GBE1: variants seen among roughly 807,000 people sequenced by gnomAD.
The protein encoded by GBE1 is 1,4-alpha-glucan-branching enzyme.
A neutral mutation model predicts 88.8 loss-of-function variants in GBE1; 70 were observed. The observed-to-expected ratio is 0.79, with a 90% CI of 0.65 to 0.96. The LOEUF (loss-of-function observed/expected upper bound fraction) is 0.96, where lower values mean the gene tolerates loss of function less well. Among genes scored for constraint, GBE1 ranks in the 40% least tolerant of loss-of-function variants. The probability of loss-of-function intolerance (pLI) is 0.00; values close to 1 mark genes in which losing one functional copy is unlikely to be tolerated. For synonymous variants in GBE1, 284 were observed against 300.1 expected (o/e 0.95, Z 0.56); for missense variants, 872 against 871.0 (o/e 1.00, Z -0.01).
rs573720354 is a variant in GBE1, at chr3:81,491,796, C to T, written c.2053-1333G>A. ...GCAAACATGACTTTAGGAAAAAACT[C>T]AAACAAATAGAACAGTTGATTTTCA... On this transcript the variant is annotated intron_variant, in intron 15 of 15. Coordinates refer to ENST00000429644, the MANE Select transcript of GBE1 (RefSeq NM_000158.4). 8.4e-4 allele frequency among the ~76,000 whole-genome samples: 128 copies of T among 152,080 alleles called. 1 individual carries two copies. The highest frequency in any genetic ancestry group is 3.0e-3 in the African/African-American group (124 of 41,516).
At chr3:81,495,768 C>T (rs1271555605) in intron 15 of GBE1, among the ~76,000 whole-genome samples, 1 of 152,136 alleles carries the variant, frequency 6.6e-6, no homozygotes, top group East Asian at 1.9e-4. Flanking sequence ...AATTGTTAAG[C>T]TGTATTAAAA....
chr3:81,742,481 T>C (rs1326555459), intron 1 of GBE1, among the ~76,000 whole-genome samples: 1 of 152,072 alleles, frequency 6.6e-6, no homozygotes, highest in Admixed American at 6.6e-5. Context: ...CCCTTAGTAA[T>C]AAAAATGAAA....
intron 7 of GBE1, among the ~76,000 whole-genome samples, chr3:81,633,212 T>C (rs1576178546): frequency 6.6e-6 from 1 of 152,174 alleles, no homozygotes; most frequent in Non-Finnish European, 1.5e-5. Flanking sequence ...CAGATAATCA[T>C]GACAATGATA....
intron 9 of GBE1, among the ~76,000 whole-genome samples, chr3:81,589,390 A>G (rs984976489): frequency 2.0e-5 from 3 of 151,968 alleles, no homozygotes; most frequent in Admixed American, 6.6e-5. Flanking sequence ...TTCTTAAAAA[A>G]AAAAAAGTTC....
chr3:81,535,871 T>C (rs1703067243), intron 13 of GBE1, among the ~76,000 whole-genome samples: 1 of 152,052 alleles, frequency 6.6e-6, no homozygotes, highest in African/African-American at 2.4e-5. Context: ...AGATAAGGTC[T>C]GAAAAGAAAT....
chr3:81,696,098 T>G (rs1308554343), intron 2 of GBE1, among the ~76,000 whole-genome samples: 1 of 152,038 alleles, frequency 6.6e-6, no homozygotes, highest in Non-Finnish European at 1.5e-5. Flanking sequence ...AAGGAAATAG[T>G]TCAACAGGGG....
At chr3:81,660,727 C>A (rs1379692234) in intron 3 of GBE1, among the ~76,000 whole-genome samples, 1 of 151,850 alleles carries the variant, frequency 6.6e-6, no homozygotes, top group Non-Finnish European at 1.5e-5. Context: ...AACACACACA[C>A]ATACACTGAA....
At chr3:81,680,214 C>T (rs1234181846) in intron 2 of GBE1, among the ~76,000 whole-genome samples, 1 of 152,144 alleles carries the variant, frequency 6.6e-6, no homozygotes, top group Non-Finnish European at 1.5e-5. Flanking sequence ...CAATTTTCGG[C>T]TGGGTGCAGT....
intron 7 of GBE1, among the ~76,000 whole-genome samples, chr3:81,599,988 G>A (rs1329460400): frequency 2.6e-5 from 4 of 152,010 alleles, no homozygotes; most frequent in African/African-American, 4.8e-5. Flanking sequence ...TTAGATAAGC[G>A]ATTGGCTGGG....
chr3:81,508,682 C>T (rs1027497207), intron 14 of GBE1, among the ~76,000 whole-genome samples: 3 of 152,040 alleles, frequency 2.0e-5, no homozygotes, highest in East Asian at 1.9e-4. Flanking sequence ...TAATTGGAAA[C>T]GGGGACGTCT....
rs186934145 is a variant in GBE1 at position 81,596,411 on chromosome 3, A to G, written c.993-2388T>C. Among the ~76,000 whole-genome samples the G allele has an allele frequency of 5.0e-3, 755 of 152,044 alleles. 8 individuals carry two copies. The highest frequency in any genetic ancestry group is 4.8e-3 in the Non-Finnish European group (327 of 67,846). On this transcript the variant is annotated intron_variant, in intron 7 of 15. Transcript: ENST00000429644. The stretch of plus-strand genomic sequence containing the variant: ...AGTAACTCATCATTTAACATTAGGT[A>G]TATCTCCAAATGCTATCTCTCCCCG...
At chr3:81,728,045 T>G (rs1706136746) in intron 1 of GBE1, among the ~76,000 whole-genome samples, 1 of 152,156 alleles carries the variant, frequency 6.6e-6, no homozygotes, top group Non-Finnish European at 1.5e-5. Context: ...AAAAATTGGT[T>G]GCCTGGCAGT....
At chr3:81,619,596 C>A (rs894726620) in intron 7 of GBE1, among the ~76,000 whole-genome samples, 1 of 151,970 alleles carries the variant, frequency 6.6e-6, no homozygotes, top group African/African-American at 2.4e-5. Context: ...CTTAACACAT[C>A]ATTTCATGGG....
intron 7 of GBE1, chr3:81,612,739 T>C: frequency 2.2e-6 from 1 of 458,280 alleles, no homozygotes; most frequent in Non-Finnish European, 4.3e-6. Context: ...TGTCCCTTTT[T>C]AGGCAAGCCT....
At chr3:81,493,967 G>A (rs943892483) in intron 15 of GBE1, among the ~76,000 whole-genome samples, 1 of 151,808 alleles carries the variant, frequency 6.6e-6, no homozygotes, top group Non-Finnish European at 1.5e-5. Context: ...GTCTTTTTAT[G>A]TAAGGAGGTT....
chr3:81,628,497 C>A (rs1177841252), intron 7 of GBE1, among the ~76,000 whole-genome samples: 3 of 151,734 alleles, frequency 2.0e-5, no homozygotes, highest in African/African-American at 7.3e-5. Flanking sequence ...TGATAGAAAT[C>A]AAAAATTCTG....
At chr3:81,727,455 A>G (rs1706130073) in intron 1 of GBE1, among the ~76,000 whole-genome samples, 1 of 152,208 alleles carries the variant, frequency 6.6e-6, no homozygotes, top group Non-Finnish European at 1.5e-5. Flanking sequence ...GACTTGTTAA[A>G]TTTCTATACT....
chr3:81,521,668 C>T (rs1407723796), intron 14 of GBE1, among the ~76,000 whole-genome samples: 1 of 151,464 alleles, frequency 6.6e-6, no homozygotes, highest in African/African-American at 2.4e-5. Flanking sequence ...ATGGGAGATG[C>T]TACAATCCTA....
Position 81,588,511 on chromosome 3 carries a change from G to A in GBE1, c.1237-2321C>T, listed in dbSNP as rs552501641. On this transcript the variant is annotated intron_variant, in intron 9 of 15. Coordinates refer to ENST00000429644, the MANE Select transcript of GBE1 (RefSeq NM_000158.4). The stretch of plus-strand genomic sequence containing the variant: ...AATGTTGTTTTAGGAAATAGAATCT[G>A]CTAAGAAAAACATATGGTAATCATG... Among the ~76,000 whole-genome samples the A allele has an allele frequency of 5.9e-5, 9 of 152,176 alleles. No individual in the cohort carries two copies. The East Asian group carries it at 1.7e-3, about 29-fold the overall frequency.
Sources: gnomAD v4.1 joint callset for allele counts (sites outside exome capture counted in the v4.1 genomes callset) on GRCh38, gnomAD v4.1.1 for gene constraint, MANE v1.5 for transcripts, NCBI Gene and HGNC (gene_info 2026-07-23, HGNC 2026-07-21) for gene names.